The following ABHD17B variants were observed in gnomAD, a reference collection of about 807,000 sequenced individuals.
ABHD17B encodes abhydrolase domain containing 17B, depalmitoylase, also known as alpha/beta hydrolase domain-containing protein 17B.
In ABHD17B, 9 loss-of-function variants were observed where a neutral mutation model predicts 26.2. That is an observed-to-expected ratio of 0.34 (90% CI 0.21 to 0.60). The LOEUF is 0.60. ABHD17B is among the 20% of genes least tolerant of loss of function. The pLI is 0.80. For synonymous variants in ABHD17B, 127 were observed against 122.3 expected (o/e 1.04, Z -0.25); for missense variants, 224 against 352.1 (o/e 0.64, Z 2.91).
At chr9:71,868,180 T>C (rs970261118) in intron 3 of ABHD17B, among the ~76,000 whole-genome samples, 53 of 151,762 alleles carry the variant, frequency 3.5e-4, no homozygotes, top group African/African-American at 1.2e-3. Context: ...GATCACACCA[T>C]TGTACTCCAG....
At chr9:71,862,526 GAGA>G, downstream of ABHD17B, 9 of 1,558,628 alleles carry the variant, frequency 5.8e-6, no homozygotes, top group Non-Finnish European at 7.8e-6. Context: ...GTTTGGTAAA[GAGA>G]AGATAATGGA....
In ABHD17B at chr9:71,874,931, C is replaced by G; in HGVS notation, c.150G>C (p.Leu50=). ...AATACTGCCAGTCTGCTCGTTCAGA[C>G]AGATGTAAAGTCCAACGGCTTCCGC... ...DESGSRWTLH[L]SERADWQYSS... The change falls in exon 2 of 4, where the codon CTG becomes CTC. Residue 50 remains leucine, a synonymous_variant. Coordinates refer to ENST00000333421, the MANE Select transcript of ABHD17B (RefSeq NM_001025780.3). 1 of 1,614,162 alleles carries G rather than the reference C, an allele frequency of 6.2e-7. No individual in the cohort carries two copies. Among genetic ancestry groups the G allele is most frequent in the Non-Finnish European group, 8.5e-7 (1 of 1,180,020 alleles).
At chr9:71,883,520 G>A (rs1826512187) in intron 1 of ABHD17B, among the ~76,000 whole-genome samples, 1 of 152,144 alleles carries the variant, frequency 6.6e-6, no homozygotes, top group African/African-American at 2.4e-5. Flanking sequence ...ACTACATCAT[G>A]GAATACAGAA....
downstream of ABHD17B, chr9:71,865,015 A>G (rs1374451235): frequency 7.2e-6 from 2 of 278,888 alleles, no homozygotes; most frequent in Non-Finnish European, 1.1e-5. Context: ...AATCTTGAGA[A>G]AGAAAGACCT....
chr9:71,870,113 T>C lies in ABHD17B; in HGVS notation c.617A>G (p.Lys206Arg). 6.2e-7 allele frequency: 1 copy of C among 1,613,312 alleles called. No homozygotes were observed. The highest frequency in any genetic ancestry group is 8.5e-7 in the Non-Finnish European group (1 of 1,179,782). Residue 206 changes from lysine to arginine, a missense_variant, in exon 3 of 4, where the codon AAG becomes AGG. Transcript: ENST00000333421. ...GAATGCATCAAAACAGTAGGTCTTC[T>C]TGGTATCAGGAAAGGCAACTCGCAT... ...SGMRVAFPDT[K>R]KTYCFDAFPN...
rs757880312 is a variant in ABHD17B, at chr9:71,870,088, G to A, written c.642C>T (p.Phe214=). 6.2e-7 allele frequency: 1 copy of A among 1,600,400 alleles called. No individual in the cohort carries two copies. Among genetic ancestry groups the A allele is most frequent in the Non-Finnish European group, 8.5e-7 (1 of 1,176,410 alleles). The change falls in exon 3 of 4, where the codon TTC becomes TTT. Residue 214 remains phenylalanine (F), a synonymous_variant. Coordinates refer to ENST00000333421, the MANE Select transcript of ABHD17B (RefSeq NM_001025780.3). ...DTKKTYCFDA[F]PNIDKISKIT... ...TTTTGAATATTGCTACTTACTTTGG[G>A]AATGCATCAAAACAGTAGGTCTTCT...
At chr9:71,900,684 T>C (rs1827109621) in intron 1 of ABHD17B, among the ~76,000 whole-genome samples, 1 of 146,562 alleles carries the variant, frequency 6.8e-6, no homozygotes, top group Admixed American at 6.8e-5. Flanking sequence ...GTCAAACTTC[T>C]CCACAGGTCC....
At chr9:71,892,992 ACTATT>A in intron 1 of ABHD17B, among the ~76,000 whole-genome samples, 1 of 152,256 alleles carries the variant, frequency 6.6e-6, no homozygotes, top group South Asian at 2.1e-4. Flanking sequence ...TATGAATTTG[ACTATT>A]CTAAGTACCT....
At chr9:71,869,892 C>A (rs1432616616) in intron 3 of ABHD17B, among the ~76,000 whole-genome samples, 191 bp downstream of exon 3, 1 of 152,174 alleles carries the variant, frequency 6.6e-6, no homozygotes, top group East Asian at 1.9e-4. Flanking sequence ...GATTACTACT[C>A]CTCAAACATT....
rs1825922256 is a variant in ABHD17B at position 71,865,289 on chromosome 9, C to T, written c.*1498G>A. On this transcript the variant is annotated 3_prime_UTR_variant, in exon 4 of 4. Transcript: ENST00000333421. ...GGAACGAGCAGAACAATTAAAACTA[C>T]ATAAGGCCTTAAAATATATCCACAG... is the stretch of plus-strand genomic sequence containing the variant. 2 of 985,526 alleles carry T rather than the reference C, an allele frequency of 2.0e-6. No individual in the cohort carries two copies. Among genetic ancestry groups the T allele is most frequent in the Non-Finnish European group, 1.2e-6 (1 of 829,760 alleles). The allele number at this position is 985,526 out of a possible 1,614,324, so 61.0% of individuals were successfully genotyped here.
intron 3 of ABHD17B, among the ~76,000 whole-genome samples, chr9:71,868,084 T>C (rs1460802935): frequency 1.3e-5 from 2 of 149,920 alleles, no homozygotes; most frequent in South Asian, 2.1e-4. Context: ...CCAGGCATGA[T>C]GGCGCATGCC....
intron 1 of ABHD17B, among the ~76,000 whole-genome samples, chr9:71,895,416 T>A (rs541142460): frequency 6.6e-6 from 1 of 152,338 alleles, no homozygotes; most frequent in South Asian, 2.1e-4. Flanking sequence ...GCCTAAAGAC[T>A]ATGTCCTGGC....
chr9:71,910,358 C>A (rs1457180708), intron 1 of ABHD17B, among the ~76,000 whole-genome samples: 1 of 152,204 alleles, frequency 6.6e-6, no homozygotes, highest in Non-Finnish European at 1.5e-5. Flanking sequence ...TCCCCCACCC[C>A]CTGACTCCGG....
chr9:71,874,475 T>A, intron 2 of ABHD17B, 139 bp downstream of exon 2: 1 of 590,690 alleles, frequency 1.7e-6, no homozygotes, highest in Non-Finnish European at 2.7e-6. Context: ...CTAAAATATT[T>A]ATTCACAGGT....
intron 2 of ABHD17B, among the ~76,000 whole-genome samples, chr9:71,874,192 T>A (rs1018879732): frequency 2.6e-5 from 4 of 151,874 alleles, no homozygotes; most frequent in South Asian, 2.1e-4. Context: ...TTTTTTTTTT[T>A]AACTTTTTAA....
chr9:71,867,078 CA>C (rs143555778), intron 3 of ABHD17B, 72 bp from the exon 4 acceptor site: 47,199 of 1,492,442 alleles, frequency 0.032, 892 homozygotes, highest in Admixed American at 0.058. Context: ...TGTGCTATAT[CA>C]GACAGATAAT....
At chr9:71,908,392 CAAAAAAAAAAA>C (rs371201006) in intron 1 of ABHD17B, among the ~76,000 whole-genome samples, 1 of 39,804 alleles carries the variant, frequency 2.5e-5, no homozygotes. Context: ...AACTCCGTCT[CAAAAAAAAAAA>C]AAAAAAAAAA....
chr9:71,884,648 A>G (rs1306601864), intron 1 of ABHD17B, among the ~76,000 whole-genome samples: 1 of 151,776 alleles, frequency 6.6e-6, no homozygotes, highest in Non-Finnish European at 1.5e-5. Context: ...AAAAAAAAAA[A>G]GGAAATTAAG....
chr9:71,906,243 T>C (rs1827279044), intron 1 of ABHD17B, among the ~76,000 whole-genome samples: 1 of 152,220 alleles, frequency 6.6e-6, no homozygotes, highest in South Asian at 2.1e-4. Context: ...TTGTTATGAA[T>C]GCAATCATTG....
Sources: allele counts gnomAD v4.1 joint callset (sites outside exome capture counted in the v4.1 genomes callset), GRCh38; gene constraint gnomAD v4.1.1; transcripts MANE v1.5; gene names NCBI Gene and HGNC (gene_info 2026-07-23, HGNC 2026-07-21).